The following CHMP2A variants were observed in gnomAD, a reference collection of about 807,000 sequenced individuals.
CHMP2A encodes the protein VPS2 homolog A.
Under a neutral mutation model 21.8 loss-of-function variants are expected in CHMP2A, and 6 were observed. The ratio of observed to expected loss-of-function variants is 0.28; its 90% CI spans 0.15 to 0.54. The LOEUF is 0.54. Ranked by LOEUF, CHMP2A falls within the 20% of genes least tolerant of loss-of-function variation. The pLI is 0.95. For synonymous variants in CHMP2A, 125 were observed against 107.0 expected (o/e 1.17, Z -1.04); for missense variants, 303 against 293.9 (o/e 1.03, Z -0.23).
chr19:58,554,408 A>T, intron 1 of CHMP2A, 172 bp from the exon 2 acceptor site: 1 of 593,898 alleles, frequency 1.7e-6, no homozygotes, highest in Non-Finnish European at 2.9e-6. Flanking sequence ...CCGGGGACAC[A>T]TAAAGGGGGA....
At chr19:58,551,989 G>A (rs1486197448) in intron 4 of CHMP2A, 22 bp from the exon 5 acceptor site, 2 of 1,614,124 alleles carry the variant, frequency 1.2e-6, no homozygotes, top group Admixed American at 1.7e-5. Context: ...AGAGAACTCA[G>A]TGAGGGCTAT....
At position 58,552,028 on chromosome 19, in the gene CHMP2A, C is replaced by A. The variant is rs372209666; in HGVS notation, c.479+27G>T. Reference sequence around the variant, plus strand: ...CTCCGTGAGGGCCAGGCAAACATCTCCACCCTCCCATCCAGTTTCCCCATA... The same window carrying A: ...CTCCGTGAGGGCCAGGCAAACATCTACACCCTCCCATCCAGTTTCCCCATA... On this transcript the variant is annotated intron_variant, in intron 4 of 5. Transcript: ENST00000312547. 5.0e-6 allele frequency: 8 copies of A among 1,613,944 alleles called. No homozygotes were observed. In the Admixed American group the frequency reaches 6.7e-5, roughly 13 times the overall value.
In CHMP2A at chr19:58,551,716, G is replaced by C. The variant is rs2122639570; in HGVS notation, c.602C>G (p.Ala201Gly). 6.2e-7 allele frequency: 1 copy of C among 1,614,138 alleles called. No individual in the cohort carries two copies. Among genetic ancestry groups the C allele is most frequent in the Non-Finnish European group, 8.5e-7 (1 of 1,180,036 alleles). ...ATCAGCATCAGCTAGGGCTGAGGCTGCGGCCTCTGCTTTTTTCCCACCAGC... is the reference window on the plus strand; with the variant it reads ...ATCAGCATCAGCTAGGGCTGAGGCTCCGGCCTCTGCTTTTTTCCCACCAGC... ...VAAGGKKAEA[A>G]ASALADADAD... Residue 201 changes from alanine to glycine, a missense_variant, in exon 6 of 6, where the codon GCA becomes GGA. Coordinates refer to ENST00000312547, the MANE Select transcript of CHMP2A (RefSeq NM_014453.4).
At chr19:58,552,224 C>T (rs375351371) in intron 3 of CHMP2A, 35 bp downstream of exon 3, 67 of 1,613,978 alleles carry the variant, frequency 4.2e-5, no homozygotes, top group Non-Finnish European at 5.5e-5. Context: ...CCCCATGGGT[C>T]GTGGGAGTGG....
chr19:58,553,536 T>C (rs1173827882), intron 2 of CHMP2A, among the ~76,000 whole-genome samples: 2 of 151,354 alleles, frequency 1.3e-5, no homozygotes, highest in Non-Finnish European at 2.9e-5. Context: ...CATGCCTGGC[T>C]AGTTTTTTTT....
Position 58,552,309 on chromosome 19 carries a change from C to T in CHMP2A, c.298G>A (p.Ala100Thr), listed in dbSNP as rs1470453514. Residue 100 changes from alanine (A) to threonine (T), a missense_variant, in exon 3 of 6, where the codon GCA (alanine) becomes ACA (threonine). By Grantham distance (58) the Ala-to-Thr change is moderately conservative (BLOSUM62 0). Transcript: ENST00000312547. ...TTGGTGACACCCTTCATGGCTTGTG[C>T]CATCGAGTTGTTGGACTTGAGTGTC... ...IQTLKSNNSM[A>T]QAMKGVTKAM... The T allele has an allele frequency of 6.2e-7, 1 of 1,614,204 alleles. No homozygotes were observed. Among genetic ancestry groups the T allele is most frequent in the Non-Finnish European group, 8.5e-7 (1 of 1,180,046 alleles).
intron 2 of CHMP2A, among the ~76,000 whole-genome samples, chr19:58,553,045 T>TG (rs2053851345): frequency 6.6e-6 from 1 of 151,554 alleles, no homozygotes; most frequent in Admixed American, 6.6e-5. Context: ...GGCCATAGCT[T>TG]ATAGCTTACC....
chr19:58,554,047 T>C lies in CHMP2A; in HGVS notation c.166A>G (p.Met56Val), dbSNP rs1223901907. 1.2e-6 allele frequency: 2 copies of C among 1,613,680 alleles called. No individual in the cohort carries two copies. Among genetic ancestry groups the C allele is most frequent in the Non-Finnish European group, 1.7e-6 (2 of 1,180,012 alleles). Residue 56 changes from methionine (M) to valine (V), a missense_variant and splice_region_variant, in exon 2 of 6, where the codon ATG becomes GTG. By Grantham distance (21) the Met-to-Val change is conservative. Transcript: ENST00000312547. ...DIKKMAKQGQ[M>V]DAVRIMAKDL... ...CCTGCCCGACCACCCACACTCACCA[T>C]CTGGCCTTGCTTGGCCATCTTCTTA...
chr19:58,553,804 C>T, intron 2 of CHMP2A: 2 of 544,458 alleles, frequency 3.7e-6, no homozygotes. Context: ...ACATTTGCTG[C>T]TCTGTCTGCT....
At chr19:58,554,723 T>A (rs918036429) in intron 1 of CHMP2A, 2 of 158,172 alleles carry the variant, frequency 1.3e-5, no homozygotes, top group African/African-American at 4.8e-5. Context: ...GCATTAGGAT[T>A]TGGGGACCCT....
chr19:58,552,124 T>C lies in CHMP2A; in HGVS notation c.410A>G (p.Asp137Gly). Reference sequence around the variant, plus strand: ...ATCATTCATCATCTCCTCCTTCATATCCATGATCTCTGCCTGCCGCTCAAA... The same window carrying C: ...ATCATTCATCATCTCCTCCTTCATACCCATGATCTCTGCCTGCCGCTCAAA... ...MEFERQAEIM[D>G]MKEEMMNDAI... The change falls in exon 4 of 6, where the codon GAT (aspartate) becomes GGT (glycine). Residue 137 changes from aspartate to glycine, a missense_variant. Coordinates refer to ENST00000312547, the MANE Select transcript of CHMP2A (RefSeq NM_014453.4). 6.2e-7 allele frequency: 1 copy of C among 1,614,160 alleles called. No homozygotes were observed. Among genetic ancestry groups the C allele is most frequent in the Non-Finnish European group, 8.5e-7 (1 of 1,180,036 alleles).
intron 2 of CHMP2A, among the ~76,000 whole-genome samples, 174 bp from the exon 3 acceptor site, chr19:58,552,612 C>G (rs991662906): frequency 2.0e-5 from 3 of 152,168 alleles, no homozygotes; most frequent in Admixed American, 1.3e-4. Context: ...TGACCTAACC[C>G]TCCTCTGCCT....
chr19:58,551,606 A>G lies in CHMP2A; in HGVS notation c.*43T>C, dbSNP rs754581938. ...TTTATTACAGAGGGGTTGTGGTAAA[A>G]GATCCTGGGCATCCACTGGTTATCT... On this transcript the variant is annotated 3_prime_UTR_variant, in exon 6 of 6. Coordinates refer to ENST00000312547, the MANE Select transcript of CHMP2A (RefSeq NM_014453.4). The G allele has an allele frequency of 3.8e-6, 6 of 1,597,270 alleles. No individual in the cohort carries two copies. The highest frequency in any genetic ancestry group is 5.1e-6 in the Non-Finnish European group (6 of 1,168,796).
intron 2 of CHMP2A, 117 bp downstream of exon 2, chr19:58,553,920 CCCTGCTGA>C: frequency 7.9e-7 from 1 of 1,263,536 alleles, no homozygotes; most frequent in African/African-American, 1.5e-5. Context: ...ACTAGGGAAG[CCCTGCTGA>C]CCTTTCACTC....
rs778620096 is a variant in CHMP2A, at chr19:58,552,188, G to A, written c.349-3C>T. 1 of 1,614,202 alleles carries A rather than the reference G, an allele frequency of 6.2e-7. No individual in the cohort carries two copies. The highest frequency in any genetic ancestry group is 2.2e-5 in the East Asian group (1 of 44,888). On this transcript the variant is annotated splice_polypyrimidine_tract_variant and splice_region_variant and intron_variant, in intron 3 of 5. Transcript: ENST00000312547. The stretch of plus-strand genomic sequence containing the variant: ...TTCTGGATCTGGGGCAACTTCAGCT[G>A]GAAGTGACAGGAGTGTGAGTGTGAT...
chr19:58,554,298 A>C, intron 1 of CHMP2A, 62 bp from the exon 2 acceptor site: 1 of 1,482,684 alleles, frequency 6.7e-7, no homozygotes, highest in Non-Finnish European at 9.1e-7. Context: ...CAAGAAGCAG[A>C]ACAGGGTCAC....
chr19:58,554,156 C>G lies in CHMP2A; in HGVS notation c.57G>C (p.Gln19His). 6.2e-7 allele frequency: 1 copy of G among 1,614,130 alleles called. No individual in the cohort carries two copies. Among genetic ancestry groups the G allele is most frequent in the Non-Finnish European group, 8.5e-7 (1 of 1,180,016 alleles). ...KTPEELLRQNQRALNRAMREL... is the reference protein window; with the variant it reads ...KTPEELLRQNHRALNRAMREL... ...CCCGCATGGCACGGTTCAGGGCCCT[C>G]TGGTTCTGCCGCAGTAGCTCCTCTG... Residue 19 changes from glutamine (Q) to histidine (H), a missense_variant, in exon 2 of 6, where the codon CAG becomes CAC. Transcript: ENST00000312547.
chr19:58,552,006 C>A (rs367765807), intron 4 of CHMP2A, 39 bp from the exon 5 acceptor site: 225 of 1,614,006 alleles, frequency 1.4e-4, no homozygotes, highest in Non-Finnish European at 1.8e-4. Context: ...CTATGCACTC[C>A]GTGAGGGCCA....
Position 58,554,141 on chromosome 19 carries a change from A to G in CHMP2A, c.72T>C (p.Arg24=), listed in dbSNP as rs748055675. 11 of 1,614,116 alleles carry G rather than the reference A, an allele frequency of 6.8e-6. No homozygotes were observed. In the South Asian group the frequency reaches 1.1e-4, roughly 16 times the overall value. Reference sequence around the variant, plus strand: ...GCTCGCGGTCCAGCTCCCGCATGGCACGGTTCAGGGCCCTCTGGTTCTGCC... The same window carrying G: ...GCTCGCGGTCCAGCTCCCGCATGGCGCGGTTCAGGGCCCTCTGGTTCTGCC... ...LLRQNQRALN[R]AMRELDRERQ... is the part of the protein sequence containing the mutation. Residue 24 remains arginine, a synonymous_variant, in exon 2 of 6, where the codon CGT becomes CGC. Coordinates refer to ENST00000312547, the MANE Select transcript of CHMP2A (RefSeq NM_014453.4).
Sources: allele counts gnomAD v4.1 joint callset (sites outside exome capture counted in the v4.1 genomes callset), GRCh38; gene constraint gnomAD v4.1.1; transcripts MANE v1.5; gene names NCBI Gene and HGNC (gene_info 2026-07-23, HGNC 2026-07-21).